Variants in VAT1L observed in about 807,000 individuals in gnomAD.
VAT1L encodes the protein vesicle amine transport 1 like.
Under a neutral mutation model 44.1 loss-of-function variants are expected in VAT1L, and 34 were observed. That is an observed-to-expected ratio of 0.77 (90% CI 0.59 to 1.03). The LOEUF is 1.03. VAT1L is among the 50% of genes least tolerant of loss of function. The pLI is 0.00. For missense variants in VAT1L, 615 were observed against 538.8 expected, an observed-to-expected ratio of 1.14 and a Z score of -1.40; for synonymous variants, 253 against 202.2, an observed-to-expected ratio of 1.25 and a Z score of -2.13.
chr16:77,851,637 A>G (rs1007339325), intron 3 of VAT1L, among the ~76,000 whole-genome samples: 3 of 152,156 alleles, frequency 2.0e-5, no homozygotes, highest in African/African-American at 7.2e-5. Flanking sequence ...TGGGCAACAG[A>G]TTGAAAACCT....
intron 1 of VAT1L, among the ~76,000 whole-genome samples, chr16:77,790,668 C>T (rs2015817707): frequency 6.6e-6 from 1 of 152,104 alleles, no homozygotes; most frequent in African/African-American, 2.4e-5. Flanking sequence ...TATACAGTTG[C>T]ATATGTATGC....
intron 7 of VAT1L, among the ~76,000 whole-genome samples, chr16:77,899,200 G>A (rs1477713771): frequency 6.6e-6 from 1 of 152,184 alleles, no homozygotes; most frequent in Non-Finnish European, 1.5e-5. Flanking sequence ...AAGTGACCTG[G>A]TCAAGGTTAC....
intron 7 of VAT1L, among the ~76,000 whole-genome samples, chr16:77,903,990 C>A (rs1303829836): frequency 6.6e-6 from 1 of 152,012 alleles, no homozygotes; most frequent in Non-Finnish European, 1.5e-5. Flanking sequence ...CTCGCCTCAG[C>A]CTCCCAAAGT....
chr16:77,958,043 G>A (rs373621855), intron 7 of VAT1L, among the ~76,000 whole-genome samples: 2 of 151,998 alleles, frequency 1.3e-5, no homozygotes, highest in African/African-American at 4.8e-5. Context: ...AAGTAGCTGG[G>A]ACTACAGGCA....
At chr16:77,867,856 T>TA (rs11379354) in intron 4 of VAT1L, among the ~76,000 whole-genome samples, 40,310 of 137,032 alleles carry the variant, frequency 0.29, 5,983 homozygotes, top group East Asian at 0.55. Flanking sequence ...GAGACTATCT[T>TA]AAAAAAAAAA....
At chr16:77,910,324 C>G (rs1738603526) in intron 7 of VAT1L, among the ~76,000 whole-genome samples, 1 of 152,192 alleles carries the variant, frequency 6.6e-6, no homozygotes. Context: ...GGATATGTTT[C>G]ACAAACATGA....
At chr16:77,941,001 C>A (rs1030675301) in intron 7 of VAT1L, among the ~76,000 whole-genome samples, 13 of 152,188 alleles carry the variant, frequency 8.5e-5, no homozygotes, top group African/African-American at 2.7e-4. Context: ...AGGCTGGCAA[C>A]AGTATCAAGT....
intron 1 of VAT1L, among the ~76,000 whole-genome samples, chr16:77,810,527 C>T (rs528872063): frequency 7.6e-4 from 115 of 152,220 alleles, no homozygotes; most frequent in African/African-American, 2.6e-3. Context: ...AGGCCGGGCA[C>T]GGTGGCCCAG....
chr16:77,910,663 G>C (rs1420999097), intron 7 of VAT1L, among the ~76,000 whole-genome samples: 2 of 104,152 alleles, frequency 1.9e-5, no homozygotes, highest in Non-Finnish European at 3.5e-5. Flanking sequence ...AACAGAGTGA[G>C]ACTCCTTCTC....
intron 7 of VAT1L, among the ~76,000 whole-genome samples, chr16:77,968,657 G>A (rs1438553936): frequency 1.3e-5 from 2 of 151,878 alleles, no homozygotes; most frequent in Admixed American, 6.6e-5. Context: ...CTTGGGAGGC[G>A]GAGCTTGCAG....
At chr16:77,917,520 T>A (rs1305496103) in intron 7 of VAT1L, among the ~76,000 whole-genome samples, 1 of 152,216 alleles carries the variant, frequency 6.6e-6, no homozygotes, top group Non-Finnish European at 1.5e-5. Flanking sequence ...TCATTGCAAT[T>A]AAGAAAGCAC....
intron 4 of VAT1L, among the ~76,000 whole-genome samples, chr16:77,873,951 C>G (rs2017060393): frequency 6.6e-6 from 1 of 152,152 alleles, no homozygotes; most frequent in African/African-American, 2.4e-5. Context: ...TTATAGGCCA[C>G]TGTTGGCTAT....
At chr16:77,797,614 T>C (rs1406365677) in intron 1 of VAT1L, among the ~76,000 whole-genome samples, 1 of 152,102 alleles carries the variant, frequency 6.6e-6, no homozygotes, top group Non-Finnish European at 1.5e-5. Context: ...ATATAGACAA[T>C]CCAGTCTCTG....
chr16:77,965,237 T>G (rs2018210553), intron 7 of VAT1L, among the ~76,000 whole-genome samples: 1 of 152,158 alleles, frequency 6.6e-6, no homozygotes, highest in African/African-American at 2.4e-5. Context: ...AATAAATGAA[T>G]GAATGAATGA....
chr16:77,795,005 A>G (rs1341865763), intron 1 of VAT1L, among the ~76,000 whole-genome samples: 2 of 152,194 alleles, frequency 1.3e-5, no homozygotes, highest in African/African-American at 2.4e-5. Context: ...GAAACCTAGA[A>G]TCAGTGATTC....
At chr16:77,823,809 G>A (rs527554425) in intron 2 of VAT1L, among the ~76,000 whole-genome samples, 36 of 152,278 alleles carry the variant, frequency 2.4e-4, no homozygotes, top group African/African-American at 8.2e-4. Flanking sequence ...ACTGAGGTCA[G>A]GAGTTCACAA....
intron 7 of VAT1L, among the ~76,000 whole-genome samples, chr16:77,905,453 T>C (rs1485595755): frequency 1.3e-5 from 2 of 152,132 alleles, no homozygotes; most frequent in Non-Finnish European, 2.9e-5. Context: ...GAAGGCACCT[T>C]CTGAGTGCAA....
chr16:77,828,688 A>G (rs183440705), intron 3 of VAT1L, among the ~76,000 whole-genome samples: 157 of 151,652 alleles, frequency 1.0e-3, no homozygotes, highest in African/African-American at 3.7e-3. Context: ...ATAAAAATAA[A>G]AAAGGTGGGA....
At chr16:77,795,813 CTTTTTTTTTTTTTTT>C (rs56725954) in intron 1 of VAT1L, among the ~76,000 whole-genome samples, 3 of 100,594 alleles carry the variant, frequency 3.0e-5, no homozygotes, top group Non-Finnish European at 3.9e-5. Flanking sequence ...CCTTTTTTCT[CTTTTTTTTTTTTTTT>C]TTTTTTTTTT....
Sources: gnomAD v4.1 joint callset for allele counts (sites outside exome capture counted in the v4.1 genomes callset) on GRCh38, gnomAD v4.1.1 for gene constraint, MANE v1.5 for transcripts, NCBI Gene and HGNC (gene_info 2026-07-23, HGNC 2026-07-21) for gene names.